The following ZBTB8B variants were observed in gnomAD, a reference collection of about 807,000 sequenced individuals.
ZBTB8B encodes the protein zinc finger and BTB domain containing 8B.
Under a neutral mutation model 30.3 loss-of-function variants are expected in ZBTB8B, and 17 were observed. The ratio of observed to expected loss-of-function variants is 0.56; its 90% CI spans 0.38 to 0.84. The LOEUF is 0.84. Ranked by LOEUF, ZBTB8B falls within the 40% of genes least tolerant of loss-of-function variation. ZBTB8B has a pLI of 0.00. For missense variants in ZBTB8B, 515 were observed against 644.9 expected (o/e 0.80, Z 2.18); for synonymous variants, 248 against 255.6 (o/e 0.97, Z 0.28).
intron 3 of ZBTB8B, among the ~76,000 whole-genome samples, chr1:32,481,552 CT>C (rs1643704783): frequency 6.6e-6 from 1 of 152,154 alleles, no homozygotes; most frequent in Non-Finnish European, 1.5e-5. Flanking sequence ...AAGCTGCCCC[CT>C]AGCATTGTCT....
At chr1:32,480,799 G>A in intron 2 of ZBTB8B, 92 bp from the exon 3 acceptor site, 2 of 1,277,756 alleles carry the variant, frequency 1.6e-6, no homozygotes, top group Non-Finnish European at 2.1e-6. Context: ...TGGGCTGGTG[G>A]AATTCCCCAG....
chr1:32,469,427 G>A (rs1459267559), intron 1 of ZBTB8B, among the ~76,000 whole-genome samples: 2 of 151,838 alleles, frequency 1.3e-5, no homozygotes, highest in Non-Finnish European at 2.9e-5. Flanking sequence ...AGTAGAGATG[G>A]TAGTTTTAGT....
chr1:32,483,849 G>A (rs867902266), intron 3 of ZBTB8B, among the ~76,000 whole-genome samples: 2 of 151,676 alleles, frequency 1.3e-5, no homozygotes, highest in Admixed American at 6.6e-5. Context: ...GGGATCACTC[G>A]AGCCCAGGAG....
At position 32,494,873 on chromosome 1, in the gene ZBTB8B, A is replaced by T. The variant is rs1443564079; in HGVS notation, c.*9455A>T. The T allele has an allele frequency of 2.0e-5, 3 of 152,018 alleles. No individual in the cohort carries two copies. Among genetic ancestry groups the T allele is most frequent in the Non-Finnish European group, 4.4e-5 (3 of 68,016 alleles). The allele number at this position is 152,018 out of a possible 1,614,324, so 9.4% of individuals were successfully genotyped here. A position where few individuals can be genotyped will look rare whatever the true frequency, so the allele number is the denominator to read the frequency against. On this transcript the variant is annotated 3_prime_UTR_variant, in exon 4 of 4. Coordinates refer to ENST00000609129, the MANE Select transcript of ZBTB8B (RefSeq NM_001145720.2). ...GAGTGCAGTGGTGCAATCTCGGCCC[A>T]CTGCAATCTCCGCCTCCAGAGTTCA...
At chr1:32,481,988 G>A (rs938119194) in intron 3 of ZBTB8B, among the ~76,000 whole-genome samples, 2 of 151,626 alleles carry the variant, frequency 1.3e-5, no homozygotes, top group African/African-American at 4.8e-5. Flanking sequence ...ATCTTTTTTT[G>A]TTTTGTTTTG....
intron 2 of ZBTB8B, among the ~76,000 whole-genome samples, chr1:32,479,946 A>C (rs1490348609): frequency 1.3e-5 from 2 of 152,214 alleles, no homozygotes; most frequent in Non-Finnish European, 1.5e-5. Context: ...TAGGGTCTTC[A>C]TCAAAGCAAG....
In ZBTB8B at chr1:32,485,133, G is replaced by C. The variant is rs1331314677; in HGVS notation, c.1203G>C (p.Lys401Asn). ...VHRSNRPIICKGCRRTFTSHL... is the reference protein window; with the variant it reads ...VHRSNRPIICNGCRRTFTSHL... ...GATCCAACCGTCCAATCATCTGCAA[G>C]GGCTGCAGGAGAACATTCACGAGTC... is the stretch of plus-strand genomic sequence containing the variant. The change falls in exon 4 of 4, where the codon AAG becomes AAC. Residue 401 changes from lysine (K) to asparagine (N), a missense_variant. Physicochemically the swap from Lys to Asn is moderately conservative, Grantham distance 94. Transcript: ENST00000609129. 1 of 1,552,200 alleles carries C rather than the reference G, an allele frequency of 6.4e-7. No individual in the cohort carries two copies. The highest frequency in any genetic ancestry group is 2.0e-5 in the Admixed American group (1 of 51,014).
At position 32,494,753 on chromosome 1, in the gene ZBTB8B, T is replaced by C. The variant is rs928420796; in HGVS notation, c.*9335T>C. On this transcript the variant is annotated 3_prime_UTR_variant, in exon 4 of 4. Transcript: ENST00000609129. ...ATAAAAAATTTCAAAAGTAAAAATA[T>C]ATATATTATTAACTTGAAGTGATTT... 2 of 152,112 alleles carry C rather than the reference T, an allele frequency of 1.3e-5. No individual in the cohort carries two copies. The highest frequency in any genetic ancestry group is 4.8e-5 in the African/African-American group (2 of 41,426). The allele number at this position is 152,112 out of a possible 1,614,324, so 9.4% of individuals were successfully genotyped here.
At chr1:32,471,691 C>G in intron 2 of ZBTB8B, 76 bp downstream of exon 2, 1 of 1,440,394 alleles carries the variant, frequency 6.9e-7, no homozygotes, top group Non-Finnish European at 9.3e-7. Flanking sequence ...CTCCCATCAT[C>G]ATGATCATTA....
At chr1:32,468,307 C>T (rs1392639514) in intron 1 of ZBTB8B, among the ~76,000 whole-genome samples, 1 of 152,154 alleles carries the variant, frequency 6.6e-6, no homozygotes, top group Non-Finnish European at 1.5e-5. Flanking sequence ...GCAGCAACAT[C>T]CCTCACATCC....
chr1:32,484,381 T>C lies in ZBTB8B; in HGVS notation c.1171-720T>C, dbSNP rs1490724557. ...GAGAAGTACAACAAAGGAAGAAGTATGGGTGAGAATCGCTAGGTGGAGGCC... is the reference window on the plus strand; with the variant it reads ...GAGAAGTACAACAAAGGAAGAAGTACGGGTGAGAATCGCTAGGTGGAGGCC... On this transcript the variant is annotated intron_variant, in intron 3 of 3. Transcript: ENST00000609129. This position sits in a 1 kb window ranked among gnomAD's most constrained non-coding sequence, Gnocchi z 4.5. Among the ~76,000 whole-genome samples the C allele has an allele frequency of 6.6e-6, 1 of 152,060 alleles. No individual in the cohort carries two copies. Among genetic ancestry groups the C allele is most frequent in the East Asian group, 1.9e-4 (1 of 5,178 alleles).
chr1:32,472,334 C>T (rs1643630594), intron 2 of ZBTB8B, among the ~76,000 whole-genome samples: 1 of 152,194 alleles, frequency 6.6e-6, no homozygotes, highest in South Asian at 2.1e-4. Flanking sequence ...TCTGTTTTGT[C>T]ATCTGTAAAA....
intron 2 of ZBTB8B, among the ~76,000 whole-genome samples, chr1:32,474,070 C>T (rs560556374): frequency 6.6e-6 from 1 of 151,762 alleles, no homozygotes; most frequent in Admixed American, 6.6e-5. Flanking sequence ...AGGCTGGACT[C>T]GAACTACTGA....
In ZBTB8B at chr1:32,489,902, C is replaced by G. The variant is rs1477213965; in HGVS notation, c.*4484C>G. ...CTGATGTAAATATTTTGGTGGCCACCAGACTTTGAATATTCCTTAAGGAAG... is the reference window on the plus strand; with the variant it reads ...CTGATGTAAATATTTTGGTGGCCACGAGACTTTGAATATTCCTTAAGGAAG... On this transcript the variant is annotated 3_prime_UTR_variant, in exon 4 of 4. Coordinates refer to ENST00000609129, the MANE Select transcript of ZBTB8B (RefSeq NM_001145720.2). 5 of 152,132 alleles carry G rather than the reference C, an allele frequency of 3.3e-5. 1 individual carries two copies. The highest frequency in any genetic ancestry group is 7.3e-5 in the Non-Finnish European group (5 of 68,030). 9.4% of individuals were successfully genotyped at this position (152,132 alleles called of 1,614,324 possible).
rs1643755789 is a variant in ZBTB8B, at chr1:32,487,757, ACTTGAGC to A, written c.*2342_*2348del. On this transcript the variant is annotated 3_prime_UTR_variant, in exon 4 of 4. Transcript: ENST00000609129. Reference sequence around the variant, plus strand: ...CTCAGGAGGCTGTGGCGAGAGGAACACTTGAGCCTGGAAAAGGTTGCAGTGAGCTGGA... The same window carrying A: ...CTCAGGAGGCTGTGGCGAGAGGAACACTGGAAAAGGTTGCAGTGAGCTGGA... 1 of 151,954 alleles carries A rather than the reference ACTTGAGC, an allele frequency of 6.6e-6. No homozygotes were observed. Among genetic ancestry groups the A allele is most frequent in the African/African-American group, 2.4e-5 (1 of 41,340 alleles). The allele number at this position is 151,954 out of a possible 1,614,324, so 9.4% of individuals were successfully genotyped here.
intron 1 of ZBTB8B, among the ~76,000 whole-genome samples, chr1:32,467,994 T>C (rs1643585718): frequency 6.6e-6 from 1 of 151,888 alleles, no homozygotes; most frequent in Admixed American, 6.6e-5. Context: ...TGGGTACCTG[T>C]AGTCCCAGCT....
At chr1:32,478,847 G>A (rs1643683069) in intron 2 of ZBTB8B, among the ~76,000 whole-genome samples, 1 of 152,172 alleles carries the variant, frequency 6.6e-6, no homozygotes, top group African/African-American at 2.4e-5. Context: ...AGTTACTCCA[G>A]TGTTGACAGA....
At chr1:32,481,503 C>CAA (rs1359297876) in intron 3 of ZBTB8B, among the ~76,000 whole-genome samples, 2 of 152,020 alleles carry the variant, frequency 1.3e-5, no homozygotes, top group South Asian at 4.2e-4. Context: ...GGGCAGCAGA[C>CAA]AAAAAGGGCT....
chr1:32,471,324 G>C lies in ZBTB8B; in HGVS notation c.700G>C (p.Asp234His). ...PKRIEPKVEF[D>H]ADEVEVDVGE... ...ACGGATAGAGCCCAAGGTGGAATTT[G>C]ATGCTGATGAAGTGGAGGTGGACGT... The change falls in exon 2 of 4, where the codon GAT becomes CAT. Residue 234 changes from aspartate to histidine, a missense_variant. By Grantham distance (81) the Asp-to-His change is moderately conservative. Transcript: ENST00000609129. The C allele has an allele frequency of 6.4e-7, 1 of 1,551,836 alleles. No homozygotes were observed. Among genetic ancestry groups the C allele is most frequent in the Non-Finnish European group, 8.7e-7 (1 of 1,147,020 alleles).
Sources: allele counts gnomAD v4.1 joint callset (sites outside exome capture counted in the v4.1 genomes callset), GRCh38; gene constraint gnomAD v4.1.1; non-coding constraint Gnocchi (gnomAD v3.1); transcripts MANE v1.5; gene names NCBI Gene and HGNC (gene_info 2026-07-23, HGNC 2026-07-21).